Variants in TMEM63A observed in about 807,000 individuals in gnomAD.
TMEM63A encodes the protein transmembrane protein 63A.
A neutral mutation model predicts 100.6 loss-of-function variants in TMEM63A; 76 were observed. That is an observed-to-expected ratio of 0.76 (90% CI 0.63 to 0.91). TMEM63A has a LOEUF of 0.91. Among genes scored for constraint, TMEM63A ranks in the 40% least tolerant of loss-of-function variants. TMEM63A has a pLI of 0.00. For missense variants in TMEM63A, 876 were observed against 1,008.8 expected (o/e 0.87, Z 1.78); for synonymous variants, 401 against 401.1 (o/e 1.00, Z 0.00).
At chr1:225,845,128 C>T (rs562175936), downstream of TMEM63A, 31 of 1,613,624 alleles carry the variant, frequency 1.9e-5, no homozygotes, top group South Asian at 2.4e-4. Context: ...ACCCCTCCGT[C>T]GGCTCTTTCA....
downstream of TMEM63A, among the ~76,000 whole-genome samples, chr1:225,843,547 G>T (rs1436437908): frequency 6.6e-6 from 1 of 152,146 alleles, no homozygotes; most frequent in Admixed American, 6.6e-5. Context: ...CTTGGCAGGG[G>T]GTCTGGCCTG....
rs1207048479 is a variant in TMEM63A at position 225,882,344 on chromosome 1, G to C, written c.-246C>G. 6.5e-6 allele frequency: 1 copy of C among 152,708 alleles called. No individual in the cohort carries two copies. Among genetic ancestry groups the C allele is most frequent in the Non-Finnish European group, 1.5e-5 (1 of 68,452 alleles). 9.5% of individuals were successfully genotyped at this position (152,708 alleles called of 1,614,324 possible). On this transcript the variant is annotated 5_prime_UTR_variant, in exon 1 of 25. Coordinates refer to ENST00000366835, the MANE Select transcript of TMEM63A (RefSeq NM_014698.3). ...GTCTGGCGGGACCCAGCAGCGCGGG[G>C]CGTGTTCCGACCACTTAAAAGTTAC...
In TMEM63A at chr1:225,867,004, G is replaced by T; in HGVS notation, c.566+108C>A. On this transcript the variant is annotated intron_variant, in intron 8 of 24. Transcript: ENST00000366835. The surrounding 1 kb of genome is among the most constrained non-coding windows in gnomAD (Gnocchi z 4.6). ...ACTCACTAGCTGCAAGGGGCCTTCA[G>T]ATACCAGCCGGCCCCCTTTGGAGTA... 8.7e-7 allele frequency: 1 copy of T among 1,155,316 alleles called. No individual in the cohort carries two copies. Among genetic ancestry groups the T allele is most frequent in the Non-Finnish European group, 1.3e-6 (1 of 764,166 alleles). 71.6% of individuals were successfully genotyped at this position (1,155,316 alleles called of 1,614,324 possible). A position where few individuals can be genotyped will look rare whatever the true frequency, so the allele number is the denominator to read the frequency against.
In TMEM63A at chr1:225,865,606, T is replaced by C. The variant is rs914624530; in HGVS notation, c.746+291A>G. On this transcript the variant is annotated intron_variant, in intron 10 of 24. Transcript: ENST00000366835. This position sits in a 1 kb window ranked among gnomAD's most constrained non-coding sequence, Gnocchi z 4.6. The stretch of plus-strand genomic sequence containing the variant: ...GGGGTCAACAATTTTTTCCCCCGTA[T>C]GCTCTCAAGACGTTTATTCGCACCT... The C allele has an allele frequency of 6.0e-6, 2 of 335,214 alleles. No individual in the cohort carries two copies. Among genetic ancestry groups the C allele is most frequent in the African/African-American group, 2.0e-5 (1 of 48,928 alleles). The allele number at this position is 335,214 out of a possible 1,614,324, so 20.8% of individuals were successfully genotyped here.
intron 3 of TMEM63A, among the ~76,000 whole-genome samples, chr1:225,877,004 C>T (rs1670837589): frequency 6.6e-6 from 1 of 152,178 alleles, no homozygotes. Context: ...GGAGGTGACA[C>T]TTGGGAACTG....
rs777984731 is a variant in TMEM63A at position 225,869,668 on chromosome 1, T to TTTC, written c.371+1407_371+1408insGAA. Among the ~76,000 whole-genome samples the TTTC allele has an allele frequency of 3.1e-3, 436 of 142,688 alleles. 2 individuals carry two copies. Among genetic ancestry groups the TTTC allele is most frequent in the African/African-American group, 0.01 (400 of 38,256 alleles). The allele number at this position is 142,688 out of a possible 152,430, so 93.6% of individuals were successfully genotyped here. On this transcript the variant is annotated intron_variant, in intron 6 of 24. Transcript: ENST00000366835. ...CATTTTCATATTTCTTTTCTTTTCT[T>TTTC]TTTTTTTTTTTTTGAGACAGTTTTG... is the stretch of plus-strand genomic sequence containing the variant.
In TMEM63A at chr1:225,862,131, T is replaced by C; in HGVS notation, c.1085+87A>G. 2 of 1,557,828 alleles carry C rather than the reference T, an allele frequency of 1.3e-6. No individual in the cohort carries two copies. The highest frequency in any genetic ancestry group is 2.4e-5 in the South Asian group (2 of 84,106). On this transcript the variant is annotated intron_variant, in intron 13 of 24. Transcript: ENST00000366835. The surrounding 1 kb of genome is among the most constrained non-coding windows in gnomAD (Gnocchi z 5.1). ...AATCCCAGGGATGGTGGGTCAGCAG[T>C]ACCATCTCCACTCGAGAGGGACAGT...
rs1401921680 is a variant in TMEM63A at position 225,848,885 on chromosome 1, G to C, written c.2187+12C>G. On this transcript the variant is annotated intron_variant, in intron 22 of 24. Coordinates refer to ENST00000366835, the MANE Select transcript of TMEM63A (RefSeq NM_014698.3). ...CAGGGCTTGACCGGGCAGTGGGGTC[G>C]GGGGCCTTTACTTTGTAGTTCAGAG... 1.9e-6 allele frequency: 3 copies of C among 1,566,512 alleles called. No homozygotes were observed. Among genetic ancestry groups the C allele is most frequent in the Non-Finnish European group, 2.6e-6 (3 of 1,153,724 alleles).
In TMEM63A at chr1:225,867,761, C is replaced by A; in HGVS notation, c.514+127G>T. 1 of 1,309,640 alleles carries A rather than the reference C, an allele frequency of 7.6e-7. No homozygotes were observed. The highest frequency in any genetic ancestry group is 1.0e-6 in the Non-Finnish European group (1 of 960,474). 81.1% of individuals were successfully genotyped at this position (1,309,640 alleles called of 1,614,324 possible). On this transcript the variant is annotated intron_variant, in intron 7 of 24. Transcript: ENST00000366835. The surrounding 1 kb of genome is among the most constrained non-coding windows in gnomAD (Gnocchi z 4.6). ...ATCAGATAGAAATGTTCAGAGTCAC[C>A]CTGAGACCATCTTACATCTGAAGTG...
intron 4 of TMEM63A, 29 bp downstream of exon 4, chr1:225,874,259 T>G (rs776315535): frequency 1.9e-6 from 3 of 1,608,168 alleles, no homozygotes. Flanking sequence ...CGCACACGCA[T>G]GCTCACAGCC....
rs1359915650 is a variant in TMEM63A, at chr1:225,846,690, C to T, written c.*249G>A. On this transcript the variant is annotated 3_prime_UTR_variant, in exon 25 of 25. Transcript: ENST00000366835. ...ATCAGTTTGGGGGGCGAAAAGTCCA[C>T]CACATGGTCTTGGCGACAAACCACT... 4.4e-6 allele frequency: 1 copy of T among 227,982 alleles called. No homozygotes were observed. The highest frequency in any genetic ancestry group is 8.5e-6 in the Non-Finnish European group (1 of 117,114). The allele number at this position is 227,982 out of a possible 1,614,324, so 14.1% of individuals were successfully genotyped here. A position where few individuals can be genotyped will look rare whatever the true frequency, so the allele number is the denominator to read the frequency against.
At chr1:225,866,111 GC>G (rs1391429412) in intron 9 of TMEM63A, 144 bp from the exon 10 acceptor site, 2 of 781,198 alleles carry the variant, frequency 2.6e-6, no homozygotes, top group Non-Finnish European at 4.2e-6. Flanking sequence ...GGCCGGGGGA[GC>G]CCCCAAAGCA....
chr1:225,874,459 A>G, intron 3 of TMEM63A, 92 bp from the exon 4 acceptor site: 1 of 1,097,474 alleles, frequency 9.1e-7, no homozygotes, highest in South Asian at 1.4e-5. Context: ...ACCTGCCCGC[A>G]CTCAGCAGGG....
chr1:225,856,953 G>C lies in TMEM63A; in HGVS notation c.1442C>G (p.Ser481Cys). Residue 481 changes from serine to cysteine, a missense_variant, in exon 16 of 25, where the codon TCC becomes TGC. This residue lies in a region of TMEM63A where 487 missense variants were observed against 581.9 expected (regional missense o/e 0.84). Transcript: ENST00000366835. Reference sequence around the variant, plus strand: ...CAGCAGTGTAGAGTAGTAGACAATGGAGGGGAGCAGGGCCGAGAAGGACCA... The same window carrying C: ...CAGCAGTGTAGAGTAGTAGACAATGCAGGGGAGCAGGGCCGAGAAGGACCA... ...LLWSFSALLP[S>C]IVYYSTLLES... 1 of 1,604,108 alleles carries C rather than the reference G, an allele frequency of 6.2e-7. No homozygotes were observed. The highest frequency in any genetic ancestry group is 1.7e-4 in the Middle Eastern group (1 of 6,006).
chr1:225,852,614 C>T (rs988017155), intron 20 of TMEM63A, 50 bp downstream of exon 20: 5 of 1,580,068 alleles, frequency 3.2e-6, no homozygotes, highest in Non-Finnish European at 4.3e-6. Flanking sequence ...TTGGTGCAAT[C>T]AGCCGTCCAT....
Position 225,862,920 on chromosome 1 carries a change from C to T in TMEM63A, c.747-69G>A. ...GAAAACACCCCAAGCAGGAGACGTG[C>T]CCACGGATCCAAGGGAAAGGATGGC... On this transcript the variant is annotated intron_variant, in intron 10 of 24. Coordinates refer to ENST00000366835, the MANE Select transcript of TMEM63A (RefSeq NM_014698.3). This position sits in a 1 kb window ranked among gnomAD's most constrained non-coding sequence, Gnocchi z 5.1. The T allele has an allele frequency of 7.0e-7, 1 of 1,421,916 alleles. No individual in the cohort carries two copies. 88.1% of individuals were successfully genotyped at this position (1,421,916 alleles called of 1,614,324 possible).
At chr1:225,874,200 GCACACACGCACATATACA>G in intron 4 of TMEM63A, 70 bp downstream of exon 4, 2 of 1,283,758 alleles carry the variant, frequency 1.6e-6, no homozygotes, top group East Asian at 2.3e-5. Flanking sequence ...ACACATATAT[GCACACACGCACATATACA>G]CACTCACGCA....
chr1:225,880,628 A>G (rs1270607118), intron 1 of TMEM63A, among the ~76,000 whole-genome samples: 1 of 152,116 alleles, frequency 6.6e-6, no homozygotes, highest in Non-Finnish European at 1.5e-5. Context: ...TTCCTACTCA[A>G]TATGCCGAGG....
At position 225,865,952 on chromosome 1, in the gene TMEM63A, A is replaced by G; in HGVS notation, c.691T>C (p.Phe231Leu). The G allele has an allele frequency of 6.2e-7, 1 of 1,613,970 alleles. No homozygotes were observed. Among genetic ancestry groups the G allele is most frequent in the South Asian group, 1.1e-5 (1 of 91,056 alleles). Residue 231 changes from phenylalanine to leucine, a missense_variant, in exon 10 of 25, where the codon TTC (phenylalanine) becomes CTC (leucine). By Grantham distance (22) the Phe-to-Leu change is conservative (BLOSUM62 0). This residue lies in a region of TMEM63A where 487 missense variants were observed against 581.9 expected (regional missense o/e 0.84). Coordinates refer to ENST00000366835, the MANE Select transcript of TMEM63A (RefSeq NM_014698.3). This position sits in a 1 kb window ranked among gnomAD's most constrained non-coding sequence, Gnocchi z 4.6. ...KEENLVRRTLFITGLPRDARK... is the reference protein window; with the variant it reads ...KEENLVRRTLLITGLPRDARK... Reference sequence around the variant, plus strand: ...GCATCTCTGGGGAGTCCTGTGATGAACAGGGTCCGCCTCACCTGTCCGGGA... The same window carrying G: ...GCATCTCTGGGGAGTCCTGTGATGAGCAGGGTCCGCCTCACCTGTCCGGGA...
Sources: gnomAD v4.1 joint callset for allele counts (sites outside exome capture counted in the v4.1 genomes callset) on GRCh38, gnomAD v4.1.1 for gene constraint, gnomAD v4.1.1 regional missense constraint, Gnocchi (gnomAD v3.1) non-coding constraint, MANE v1.5 for transcripts, NCBI Gene and HGNC (gene_info 2026-07-23, HGNC 2026-07-21) for gene names.